The following SNAPC3 variants were observed in gnomAD, a reference collection of about 807,000 sequenced individuals.
SNAPC3 encodes the protein small nuclear RNA activating complex polypeptide 3, also known as snRNA-activating protein complex subunit 3.
A neutral mutation model predicts 47.7 loss-of-function variants in SNAPC3; 56 were observed. That is an observed-to-expected ratio of 1.18 (90% CI 0.95 to 1.47). SNAPC3 has a LOEUF of 1.47. Among genes scored for constraint, SNAPC3 ranks in the 40% most tolerant of loss-of-function variants. The pLI, the probability that SNAPC3 is intolerant of heterozygous loss-of-function variation, is 0.00. For synonymous variants in SNAPC3, 235 were observed against 189.9 expected (o/e 1.24, Z -1.95); for missense variants, 665 against 511.3 (o/e 1.30, Z -2.90).
At chr9:15,436,515 C>A (rs1038992741) in intron 3 of SNAPC3, among the ~76,000 whole-genome samples, 1 of 152,190 alleles carries the variant, frequency 6.6e-6, no homozygotes, top group Admixed American at 6.5e-5. Flanking sequence ...TAGATTCTAA[C>A]CTAGAACTAC....
At chr9:15,445,413 A>G (rs7026910) in intron 4 of SNAPC3, among the ~76,000 whole-genome samples, 106,458 of 152,068 alleles carry the variant, frequency 0.7, 39,605 homozygotes, top group Non-Finnish European at 0.82. Context: ...CTAACCAGAG[A>G]CAGCTCTTCT....
At chr9:15,433,657 T>A in intron 3 of SNAPC3, 21 bp downstream of exon 3, 1 of 1,422,938 alleles carries the variant, frequency 7.0e-7, no homozygotes, top group East Asian at 2.3e-5. Flanking sequence ...GTCTCATCTT[T>A]TTCACCCTTT....
intron 3 of SNAPC3, among the ~76,000 whole-genome samples, chr9:15,438,370 CTCAG>C (rs1441155713): frequency 1.3e-5 from 2 of 151,956 alleles, no homozygotes; most frequent in African/African-American, 4.8e-5. Flanking sequence ...CTTCTTTTTT[CTCAG>C]TCAGTGCAGT....
chr9:15,428,090 GAC>G (rs2031673368), intron 2 of SNAPC3, among the ~76,000 whole-genome samples: 1 of 121,738 alleles, frequency 8.2e-6, no homozygotes, highest in African/African-American at 3.3e-5. Flanking sequence ...CAGCCTGGGT[GAC>G]ACAGCGCAAC....
At chr9:15,442,914 A>G (rs186785019) in intron 3 of SNAPC3, among the ~76,000 whole-genome samples, 1 of 152,230 alleles carries the variant, frequency 6.6e-6, no homozygotes, top group Non-Finnish European at 1.5e-5. Context: ...TCCGTCTGCA[A>G]TCCCGGCACC....
At chr9:15,447,693 C>G (rs1022811614) in intron 5 of SNAPC3, among the ~76,000 whole-genome samples, 1 of 152,068 alleles carries the variant, frequency 6.6e-6, no homozygotes, top group Non-Finnish European at 1.5e-5. Flanking sequence ...TTCATTCACT[C>G]GTTTGAAGCT....
At chr9:15,434,482 A>G (rs2032551229) in intron 3 of SNAPC3, among the ~76,000 whole-genome samples, 1 of 147,428 alleles carries the variant, frequency 6.8e-6, no homozygotes, top group Admixed American at 7.0e-5. Context: ...ATCTCGGCTC[A>G]CTGCAGTCTC....
chr9:15,434,543 G>A lies in SNAPC3; in HGVS notation c.477+907G>A, dbSNP rs141378177. 5.8e-3 allele frequency among the ~76,000 whole-genome samples: 876 copies of A among 152,056 alleles called. 3 individuals are homozygous for A. Among genetic ancestry groups the A allele is most frequent in the South Asian group, 0.011 (54 of 4,794 alleles). On this transcript the variant is annotated intron_variant, in intron 3 of 8. Coordinates refer to ENST00000380821, the MANE Select transcript of SNAPC3 (RefSeq NM_001039697.2). ...CTGCCTCAGCCTTTTAAGCAGCTGG[G>A]ATTATAGGTGCCTGCCACCATGCCT...
At chr9:15,450,530 C>A (rs950358037) in intron 5 of SNAPC3, among the ~76,000 whole-genome samples, 2 of 152,188 alleles carry the variant, frequency 1.3e-5, no homozygotes, top group African/African-American at 2.4e-5. Context: ...GTGATTGCTA[C>A]ATACCAAAAT....
intron 5 of SNAPC3, among the ~76,000 whole-genome samples, chr9:15,448,171 T>C (rs1404025146): frequency 6.6e-6 from 1 of 152,024 alleles, no homozygotes; most frequent in African/African-American, 2.4e-5. Context: ...ACCAACACAA[T>C]CTCCTTTTTT....
intron 1 of SNAPC3, among the ~76,000 whole-genome samples, chr9:15,423,587 A>T (rs958553582): frequency 2.6e-5 from 4 of 151,902 alleles, no homozygotes; most frequent in African/African-American, 9.7e-5. Flanking sequence ...GAGTGTTAAA[A>T]CCCCGACTAA....
chr9:15,458,326 A>G (rs966298065), intron 8 of SNAPC3, among the ~76,000 whole-genome samples: 9 of 152,242 alleles, frequency 5.9e-5, no homozygotes, highest in African/African-American at 2.2e-4. Flanking sequence ...GTGAATAAAA[A>G]TAAAAGTCAC....
In SNAPC3 at chr9:15,461,080, C is replaced by G. The variant is rs113503167; in HGVS notation, c.*1214C>G. The G allele has an allele frequency of 6.6e-6, 1 of 151,422 alleles. No individual in the cohort carries two copies. Among genetic ancestry groups the G allele is most frequent in the Non-Finnish European group, 1.5e-5 (1 of 67,930 alleles). The allele number at this position is 151,422 out of a possible 1,614,324, so 9.4% of individuals were successfully genotyped here. On this transcript the variant is annotated 3_prime_UTR_variant, in exon 9 of 9. Coordinates refer to ENST00000380821, the MANE Select transcript of SNAPC3 (RefSeq NM_001039697.2). ...AAAAATAAGTTTTCCTGGCCCAGGT[C>G]TTCCATTCTTCTGGTCCCCTTACTA...
chr9:15,459,772 A>T lies in SNAPC3; in HGVS notation c.1142A>T (p.Asp381Val), dbSNP rs994149615. The T allele has an allele frequency of 6.2e-7, 1 of 1,613,810 alleles. No homozygotes were observed. The highest frequency in any genetic ancestry group is 1.3e-5 in the African/African-American group (1 of 75,044). Residue 381 changes from aspartate (D) to valine (V), a missense_variant, in exon 9 of 9, where the codon GAT (aspartate) becomes GTT (valine). By Grantham distance (152) the Asp-to-Val change is radical. Transcript: ENST00000380821. ...FAPEDPCFFC[D>V]VCFRMLHYDS... ...CCAGAGGACCCATGCTTCTTTTGTGATGTTTGCTTCCGAATGCTGCACTAT... is the reference window on the plus strand; with the variant it reads ...CCAGAGGACCCATGCTTCTTTTGTGTTGTTTGCTTCCGAATGCTGCACTAT...
downstream of SNAPC3, chr9:15,462,870 C>CT (rs1439013289): frequency 6.6e-6 from 1 of 152,170 alleles, no homozygotes; most frequent in Non-Finnish European, 1.5e-5. Flanking sequence ...ATTAGAGCAT[C>CT]CTTTTTCTGG....
intron 7 of SNAPC3, among the ~76,000 whole-genome samples, chr9:15,457,370 G>A (rs546488187): frequency 9.1e-4 from 139 of 152,284 alleles, no homozygotes; most frequent in Non-Finnish European, 1.3e-3. Flanking sequence ...TGAGGTGGGA[G>A]GATCGCTTGA....
chr9:15,423,176 G>T lies in SNAPC3; in HGVS notation c.297G>T (p.Glu99Asp). 6.3e-7 allele frequency: 1 copy of T among 1,578,946 alleles called. No individual in the cohort carries two copies. The highest frequency in any genetic ancestry group is 2.3e-5 in the East Asian group (1 of 43,560). The change falls in exon 1 of 9, where the codon GAG (glutamate) becomes GAT (aspartate). Residue 99 changes from glutamate to aspartate, a missense_variant. Glu to Asp is a conservative substitution (Grantham distance 45). Transcript: ENST00000380821. ...ACTGCAGCCTGGAGGCGGCGGCTGA[G>T]CTGAGGGCGGTGTGCGGGTGAGTGC... ...DLDCSLEAAA[E>D]LRAVCGLDKL...
At position 15,446,938 on chromosome 9, in the gene SNAPC3, C is replaced by A. The variant is rs1293498739; in HGVS notation, c.583-157C>A. On this transcript the variant is annotated intron_variant, in intron 4 of 8. Coordinates refer to ENST00000380821, the MANE Select transcript of SNAPC3 (RefSeq NM_001039697.2). The stretch of plus-strand genomic sequence containing the variant: ...TAAACAATTTTGACCATGAGTTTGG[C>A]CCTATAATTATTGGATGTGAAAATA... 3.3e-5 allele frequency among the ~76,000 whole-genome samples: 5 copies of A among 151,956 alleles called. No homozygotes were observed. The East Asian group carries it at 9.6e-4, about 29-fold the overall frequency.
At chr9:15,435,365 G>T (rs1369186485) in intron 3 of SNAPC3, among the ~76,000 whole-genome samples, 1 of 152,200 alleles carries the variant, frequency 6.6e-6, no homozygotes, top group Admixed American at 6.5e-5. Flanking sequence ...CTGAGGTCAG[G>T]AGTTCCAGAC....
Sources: gnomAD v4.1 joint callset for allele counts (sites outside exome capture counted in the v4.1 genomes callset) on GRCh38, gnomAD v4.1.1 for gene constraint, MANE v1.5 for transcripts, NCBI Gene and HGNC (gene_info 2026-07-23, HGNC 2026-07-21) for gene names.